The following OSBPL5 variants were observed in gnomAD, a reference collection of about 807,000 sequenced individuals.
The protein encoded by OSBPL5 is oxysterol binding protein like 5.
A neutral mutation model predicts 111.2 loss-of-function variants in OSBPL5; 71 were observed. The observed-to-expected ratio is 0.64, with a 90% CI of 0.53 to 0.78. The LOEUF (loss-of-function observed/expected upper bound fraction) is 0.78, where lower values mean the gene tolerates loss of function less well. OSBPL5 is among the 30% of genes least tolerant of loss of function. The pLI is 0.00. For missense variants in OSBPL5, 1,210 were observed against 1,189.3 expected (o/e 1.02, Z -0.26); for synonymous variants, 549 against 513.9 (o/e 1.07, Z -0.93).
chr11:3,128,159 T>A (rs1858699665), intron 2 of OSBPL5, among the ~76,000 whole-genome samples: 1 of 152,220 alleles, frequency 6.6e-6, no homozygotes, highest in African/African-American at 2.4e-5. Flanking sequence ...GGATGGGACT[T>A]TGGCTGCGAC....
intron 7 of OSBPL5, 111 bp downstream of exon 7, chr11:3,119,436 A>C: frequency 2.7e-6 from 3 of 1,111,182 alleles, no homozygotes; most frequent in Non-Finnish European, 3.7e-6. Flanking sequence ...GGCTGCCCCC[A>C]GACAGTAGAA....
chr11:3,106,516 C>T lies in OSBPL5; in HGVS notation c.1059+747G>A, dbSNP rs572258410. 1.9e-4 allele frequency among the ~76,000 whole-genome samples: 29 copies of T among 152,264 alleles called. No homozygotes were observed. The highest frequency in any genetic ancestry group is 1.3e-3 in the Admixed American group (20 of 15,306). ...GGACTCCCCTTCCTGAGGCGCCCCA[C>T]GGTGCCCAGGGCCACGTGAGTTCTC... On this transcript the variant is annotated intron_variant, in intron 9 of 21. Transcript: ENST00000263650. This position sits in a 1 kb window ranked among gnomAD's most constrained non-coding sequence, Gnocchi z 8.4.
At chr11:3,123,249 C>T (rs1321157509) in intron 3 of OSBPL5, among the ~76,000 whole-genome samples, 1 of 152,214 alleles carries the variant, frequency 6.6e-6, no homozygotes, top group Non-Finnish European at 1.5e-5. Flanking sequence ...AGAACCAGGT[C>T]TAAAGCCTGC....
chr11:3,145,299 C>T (rs1335395272), intron 1 of OSBPL5, among the ~76,000 whole-genome samples: 2 of 152,226 alleles, frequency 1.3e-5, no homozygotes, highest in Non-Finnish European at 2.9e-5. Context: ...GGGGCCCTGC[C>T]CCTCCCTCCA....
Position 3,107,235 on chromosome 11 carries a change from T to C in OSBPL5, c.1059+28A>G, listed in dbSNP as rs778577688. On this transcript the variant is annotated intron_variant, in intron 9 of 21. Coordinates refer to ENST00000263650, the MANE Select transcript of OSBPL5 (RefSeq NM_020896.4). The surrounding 1 kb of genome is among the most constrained non-coding windows in gnomAD (Gnocchi z 6.1). ...CAAGGGGCCGAGGCAGGGGAGACGC[T>C]TGGGGCTCCTGGCTGGGGGGCTCTC... is the stretch of plus-strand genomic sequence containing the variant. 36 of 1,604,860 alleles carry C rather than the reference T, an allele frequency of 2.2e-5. No individual in the cohort carries two copies. Among genetic ancestry groups the C allele is most frequent in the South Asian group, 4.4e-5 (4 of 90,806 alleles).
At chr11:3,111,238 G>A (rs909606756) in intron 7 of OSBPL5, among the ~76,000 whole-genome samples, 1 of 148,114 alleles carries the variant, frequency 6.8e-6, no homozygotes, top group African/African-American at 2.5e-5. Context: ...TCTCTTTTTG[G>A]AGTTTTACTT....
chr11:3,160,672 T>TGCCCCCCC (rs1846933748), intron 1 of OSBPL5, among the ~76,000 whole-genome samples: 2 of 122,534 alleles, frequency 1.6e-5, no homozygotes, highest in Admixed American at 8.4e-5. Context: ...ATGACAACCC[T>TGCCCCCCC]CCCCCCCCCC....
chr11:3,092,733 C>G lies in OSBPL5; in HGVS notation c.2132+134G>C, dbSNP rs963476977. ...GACTGATGATGGGGGGTGTCACTAT[C>G]TGACCCTCCCCCACCGACTCCTCCA... is the stretch of plus-strand genomic sequence containing the variant. On this transcript the variant is annotated intron_variant, in intron 18 of 21. Transcript: ENST00000263650. This position sits in a 1 kb window ranked among gnomAD's most constrained non-coding sequence, Gnocchi z 5.4. 6.0e-6 allele frequency: 8 copies of G among 1,342,540 alleles called. No individual in the cohort carries two copies. The highest frequency in any genetic ancestry group is 7.0e-6 in the Non-Finnish European group (7 of 1,004,196). 83.2% of individuals were successfully genotyped at this position (1,342,540 alleles called of 1,614,324 possible).
intron 15 of OSBPL5, 98 bp downstream of exon 15, chr11:3,094,139 G>T: frequency 1.7e-6 from 2 of 1,209,148 alleles, no homozygotes; most frequent in Non-Finnish European, 2.4e-6. Context: ...GCACTGCCTT[G>T]GGGAACCTTC....
At chr11:3,143,007 GAGGGGGGCAGAGGAGGCAGGTGC>G (rs1191083959) in intron 1 of OSBPL5, among the ~76,000 whole-genome samples, 196 of 97,702 alleles carry the variant, frequency 2.0e-3, no homozygotes, top group Non-Finnish European at 3.3e-3. Flanking sequence ...GGCAGGTGCA[GAGGGGGGCAGAGGAGGCAGGTGC>G]GGGGGGGGGC....
intron 10 of OSBPL5, among the ~76,000 whole-genome samples, chr11:3,103,666 TGCCCCCTTCCAGTCTCTGCA>T (rs1353377845): frequency 3.0e-5 from 4 of 134,290 alleles, no homozygotes; most frequent in South Asian, 2.6e-4. Context: ...CTGCCTCTGT[TGCCCCCTTCCAGTCTCTGCA>T]GCCCCCTTCC....
In OSBPL5 at chr11:3,093,034, G is replaced by A. The variant is rs771885540; in HGVS notation, c.1965C>T (p.Thr655=). The change falls in exon 18 of 22, where the codon ACC becomes ACT. Residue 655 remains threonine (T), a synonymous_variant. Transcript: ENST00000263650. The part of the protein sequence containing the change: ...LESERLWQHV[T]RAISKGDQHR... ...GCTGGTCGCCCTTGCTGATGGCCCT[G>A]GTGACGTGCTGCCAGAGCCTGCGGG... The A allele has an allele frequency of 3.0e-5, 47 of 1,591,222 alleles. No homozygotes were observed. The highest frequency in any genetic ancestry group is 3.7e-5 in the Non-Finnish European group (43 of 1,169,614).
intron 1 of OSBPL5, among the ~76,000 whole-genome samples, chr11:3,156,019 C>G (rs1361011057): frequency 1.3e-5 from 2 of 152,226 alleles, no homozygotes; most frequent in African/African-American, 4.8e-5. Flanking sequence ...TATGGTGTGT[C>G]CCCTGGGGGC....
chr11:3,118,310 C>G (rs570454920), intron 7 of OSBPL5, among the ~76,000 whole-genome samples: 161 of 152,322 alleles, frequency 1.1e-3, no homozygotes, highest in African/African-American at 3.6e-3. Flanking sequence ...CTGATTGTCT[C>G]CTTTGGAGAG....
At chr11:3,094,537 GCGGAGCC>G in intron 14 of OSBPL5, 1 of 254,706 alleles carries the variant, frequency 3.9e-6, no homozygotes, top group Admixed American at 1.0e-4. Context: ...TGGTGGGGGT[GCGGAGCC>G]TGGGAGGTGC....
intron 10 of OSBPL5, among the ~76,000 whole-genome samples, chr11:3,103,921 C>CAGCCCCCTTCCTGCCTCTGT (rs1857606576): frequency 1.3e-5 from 2 of 148,196 alleles, no homozygotes. Context: ...CCTGCCTCTG[C>CAGCCCCCTTCCTGCCTCTGT]AGCCCATCCC....
chr11:3,137,851 A>T (rs1845992609), intron 1 of OSBPL5, among the ~76,000 whole-genome samples: 1 of 152,216 alleles, frequency 6.6e-6, no homozygotes. Flanking sequence ...CGGCCCATCT[A>T]AGGTCTCGTG....
intron 14 of OSBPL5, among the ~76,000 whole-genome samples, chr11:3,096,127 G>T (rs1429473383): frequency 1.3e-5 from 2 of 152,208 alleles, no homozygotes; most frequent in Non-Finnish European, 2.9e-5. Flanking sequence ...ACATCAAGGA[G>T]ATGTAAACAT....
intron 6 of OSBPL5, 80 bp from the exon 7 acceptor site, chr11:3,119,711 G>A: frequency 7.2e-7 from 1 of 1,384,898 alleles, no homozygotes; most frequent in Non-Finnish European, 9.7e-7. Context: ...GAACCATGCG[G>A]ATCCACACCT....
Sources: gnomAD v4.1 joint callset for allele counts (sites outside exome capture counted in the v4.1 genomes callset) on GRCh38, gnomAD v4.1.1 for gene constraint, Gnocchi (gnomAD v3.1) non-coding constraint, MANE v1.5 for transcripts, NCBI Gene and HGNC (gene_info 2026-07-23, HGNC 2026-07-21) for gene names.